The following PBX3 variants were observed in gnomAD, a reference collection of about 807,000 sequenced individuals.
PBX3 encodes pre-B-cell leukemia transcription factor 3.
Under a neutral mutation model 48.5 loss-of-function variants are expected in PBX3, and 14 were observed. The observed-to-expected ratio is 0.29, with a 90% CI of 0.19 to 0.45. The LOEUF (loss-of-function observed/expected upper bound fraction) is 0.45, where lower values mean the gene tolerates loss of function less well. Ranked by LOEUF, PBX3 falls within the 20% of genes least tolerant of loss-of-function variation. PBX3 has a pLI of 1.00. For missense variants in PBX3, 386 were observed against 546.7 expected, an observed-to-expected ratio of 0.71 and a Z score of 2.93; for synonymous variants, 210 against 200.3, an observed-to-expected ratio of 1.05 and a Z score of -0.41.
At chr9:125,793,282 G>A (rs1837665797) in intron 2 of PBX3, among the ~76,000 whole-genome samples, 1 of 148,908 alleles carries the variant, frequency 6.7e-6, no homozygotes, top group African/African-American at 2.5e-5. Context: ...AACCTGGGAG[G>A]CAGAGCTTGC....
rs541886787 is a variant in PBX3, at chr9:125,889,548, T to G, written c.275-26138T>G. ...AAACAATCTTGAAGCCGCTCCGCTC[T>G]CAGTGGCATTTGCAATGAGTCCCTG... On this transcript the variant is annotated intron_variant, in intron 2 of 8. Coordinates refer to ENST00000373489, the MANE Select transcript of PBX3 (RefSeq NM_006195.6). 1.6e-4 allele frequency among the ~76,000 whole-genome samples: 24 copies of G among 152,300 alleles called. 1 individual carries two copies. The highest frequency in any genetic ancestry group is 5.5e-4 in the African/African-American group (23 of 41,574).
At chr9:125,871,406 A>C (rs992115625) in intron 2 of PBX3, among the ~76,000 whole-genome samples, 1 of 152,048 alleles carries the variant, frequency 6.6e-6, no homozygotes, top group Non-Finnish European at 1.5e-5. Flanking sequence ...ATCTAAAAAA[A>C]CCCAGGTGTT....
intron 2 of PBX3, among the ~76,000 whole-genome samples, chr9:125,814,185 C>G (rs1838389869): frequency 1.3e-5 from 1 of 75,800 alleles, no homozygotes; most frequent in Non-Finnish European, 2.7e-5. Flanking sequence ...AAAAAGTATC[C>G]TAGGATCAAA....
chr9:125,861,038 C>T (rs1381883843), intron 2 of PBX3, among the ~76,000 whole-genome samples: 1 of 152,050 alleles, frequency 6.6e-6, no homozygotes. Flanking sequence ...ATAATCCCAG[C>T]ACTTTGGGAG....
chr9:125,780,394 C>T (rs1379976842), intron 2 of PBX3, among the ~76,000 whole-genome samples: 13 of 109,660 alleles, frequency 1.2e-4, no homozygotes, highest in East Asian at 2.9e-4. Context: ...CCAGACGGGG[C>T]GGCTGGCCGG....
chr9:125,832,472 G>GT (rs1485075925), intron 2 of PBX3, among the ~76,000 whole-genome samples: 3 of 152,220 alleles, frequency 2.0e-5, no homozygotes, highest in Non-Finnish European at 4.4e-5. Flanking sequence ...TGGGATTACA[G>GT]GCGTGAGCCC....
rs558623361 is a variant in PBX3, at chr9:125,758,433, T to C, written c.274+9810T>C. 5.3e-5 allele frequency among the ~76,000 whole-genome samples: 8 copies of C among 152,304 alleles called. No homozygotes were observed. In the East Asian group the frequency reaches 1.5e-3, roughly 29 times the overall value. On this transcript the variant is annotated intron_variant, in intron 2 of 8. Coordinates refer to ENST00000373489, the MANE Select transcript of PBX3 (RefSeq NM_006195.6). ...TTTCTAAAGACTGAACTTTAATCAG[T>C]ATGAGTGCTTTAACTTGAAAATTAG... is the stretch of plus-strand genomic sequence containing the variant.
At chr9:125,811,902 A>T (rs926417048) in intron 2 of PBX3, among the ~76,000 whole-genome samples, 1 of 151,904 alleles carries the variant, frequency 6.6e-6, no homozygotes, top group African/African-American at 2.4e-5. Context: ...ATATGTTGAA[A>T]CCTCGTCACC....
intron 2 of PBX3, among the ~76,000 whole-genome samples, chr9:125,774,926 T>TC (rs1564647345): frequency 6.6e-5 from 10 of 151,862 alleles, no homozygotes; most frequent in Admixed American, 2.0e-4. Context: ...GACTGGAGTA[T>TC]AGTGGCGCAA....
intron 2 of PBX3, chr9:125,843,893 G>T: frequency 4.4e-6 from 2 of 453,708 alleles, no homozygotes; most frequent in Non-Finnish European, 8.9e-6. Context: ...ATTGCCAGGG[G>T]TTAATGTAGT....
intron 2 of PBX3, among the ~76,000 whole-genome samples, chr9:125,835,643 C>A (rs893568022): frequency 6.6e-6 from 1 of 152,126 alleles, no homozygotes; most frequent in African/African-American, 2.4e-5. Context: ...CAGAGAAATG[C>A]AAATCAAACC....
chr9:125,785,162 G>A (rs1837426328), intron 2 of PBX3, among the ~76,000 whole-genome samples: 1 of 152,306 alleles, frequency 6.6e-6, no homozygotes, highest in East Asian at 1.9e-4. Flanking sequence ...AGCGCCTTGT[G>A]TCAGTTCTTG....
intron 2 of PBX3, among the ~76,000 whole-genome samples, chr9:125,790,049 T>C (rs1434028418): frequency 2.6e-5 from 4 of 152,216 alleles, no homozygotes; most frequent in African/African-American, 9.6e-5. Flanking sequence ...AATGGACAAG[T>C]TATCTGAAGA....
chr9:125,784,262 G>C (rs1837401897), intron 2 of PBX3, among the ~76,000 whole-genome samples: 1 of 152,140 alleles, frequency 6.6e-6, no homozygotes, highest in African/African-American at 2.4e-5. Flanking sequence ...CCGAGTAGCT[G>C]GGATTACAGG....
intron 2 of PBX3, among the ~76,000 whole-genome samples, chr9:125,765,698 T>C (rs1198764715): frequency 1.3e-5 from 2 of 152,196 alleles, no homozygotes; most frequent in Non-Finnish European, 2.9e-5. Context: ...TCTTTAAAAC[T>C]TGGGTCTTGT....
intron 4 of PBX3, among the ~76,000 whole-genome samples, chr9:125,931,556 T>C (rs1053396726): frequency 1.3e-5 from 2 of 152,180 alleles, no homozygotes; most frequent in African/African-American, 4.8e-5. Flanking sequence ...CCCAAAGTGC[T>C]GGGATTATAG....
chr9:125,940,241 A>T (rs1472427656), intron 5 of PBX3, among the ~76,000 whole-genome samples: 2 of 152,212 alleles, frequency 1.3e-5, no homozygotes, highest in African/African-American at 4.8e-5. Context: ...GGAACAATCA[A>T]GGAGTTTCAG....
intron 2 of PBX3, among the ~76,000 whole-genome samples, chr9:125,905,132 C>T (rs1483214278): frequency 6.6e-6 from 1 of 151,846 alleles, no homozygotes; most frequent in Non-Finnish European, 1.5e-5. Context: ...AACTAAGCAA[C>T]AAGGGAAGAT....
intron 5 of PBX3, among the ~76,000 whole-genome samples, chr9:125,943,199 A>G (rs1841994131): frequency 6.6e-6 from 1 of 151,848 alleles, no homozygotes; most frequent in African/African-American, 2.4e-5. Flanking sequence ...CTACTAAAAT[A>G]CAAAAAATTA....
Sources: allele counts gnomAD v4.1 joint callset (sites outside exome capture counted in the v4.1 genomes callset), GRCh38; gene constraint gnomAD v4.1.1; transcripts MANE v1.5; gene names NCBI Gene and HGNC (gene_info 2026-07-23, HGNC 2026-07-21).